PBX3: variants seen among roughly 807,000 people sequenced by gnomAD.
PBX3 encodes pre-B-cell leukemia transcription factor 3.
A neutral mutation model predicts 48.5 loss-of-function variants in PBX3; 14 were observed. That is an observed-to-expected ratio of 0.29 (90% CI 0.19 to 0.45). PBX3 has a LOEUF of 0.45. Among genes scored for constraint, PBX3 ranks in the 20% least tolerant of loss-of-function variants. The pLI is 1.00. For missense variants in PBX3, 386 were observed against 546.7 expected (o/e 0.71, Z 2.93); for synonymous variants, 210 against 200.3 (o/e 1.05, Z -0.41).
rs538863899 is a variant in PBX3, at chr9:125,940,873, A to G, written c.843+5266A>G. ...GGAGGAAGAACTATTTCTTGATCTA[A>G]GTGTTAGTTCCATGGGTATGTTCAC... On this transcript the variant is annotated intron_variant, in intron 5 of 8. Transcript: ENST00000373489. Among the ~76,000 whole-genome samples the G allele has an allele frequency of 8.5e-5, 13 of 152,318 alleles. No homozygotes were observed. The South Asian group carries it at 1.0e-3, about 12-fold the overall frequency.
chr9:125,956,538 C>T (rs1842311729), intron 5 of PBX3, among the ~76,000 whole-genome samples: 1 of 152,204 alleles, frequency 6.6e-6, no homozygotes, highest in Non-Finnish European at 1.5e-5. Context: ...CAGGCTGCTC[C>T]TTGGCCTTGC....
At chr9:125,841,683 C>T (rs1839293823) in intron 2 of PBX3, among the ~76,000 whole-genome samples, 1 of 152,144 alleles carries the variant, frequency 6.6e-6, no homozygotes, top group Admixed American at 6.6e-5. Context: ...GCCTCTAGTA[C>T]ATAGACCCAG....
chr9:125,818,466 C>T (rs1374926538), intron 2 of PBX3, among the ~76,000 whole-genome samples: 1 of 151,898 alleles, frequency 6.6e-6, no homozygotes, highest in Non-Finnish European at 1.5e-5. Context: ...TCCTGAGTAG[C>T]TGGGATTGTG....
intron 2 of PBX3, among the ~76,000 whole-genome samples, chr9:125,861,236 A>G (rs1250201202): frequency 6.6e-6 from 1 of 151,748 alleles, no homozygotes; most frequent in Non-Finnish European, 1.5e-5. Flanking sequence ...TTGAGGCTGC[A>G]AGCAGTGAGC....
At chr9:125,893,376 C>CT (rs1840696603) in intron 2 of PBX3, among the ~76,000 whole-genome samples, 1 of 152,130 alleles carries the variant, frequency 6.6e-6, no homozygotes, top group Non-Finnish European at 1.5e-5. Flanking sequence ...AACTTTCAGA[C>CT]TTCTTAGGGG....
chr9:125,921,352 A>T (rs1263266998), intron 3 of PBX3, among the ~76,000 whole-genome samples: 1 of 151,972 alleles, frequency 6.6e-6, no homozygotes, highest in East Asian at 1.9e-4. Context: ...CTTTGGAAGC[A>T]GTTTTTGTAC....
chr9:125,893,893 C>G (rs968896126), intron 2 of PBX3, among the ~76,000 whole-genome samples: 7 of 151,960 alleles, frequency 4.6e-5, no homozygotes, highest in African/African-American at 1.7e-4. Context: ...CTCCTCCTTA[C>G]TTTTTCAAAA....
chr9:125,924,324 T>C (rs1269948655), intron 3 of PBX3, among the ~76,000 whole-genome samples: 1 of 152,264 alleles, frequency 6.6e-6, no homozygotes, highest in Non-Finnish European at 1.5e-5. Context: ...TTGAGTCTCA[T>C]ATCTGCTTCT....
intron 3 of PBX3, among the ~76,000 whole-genome samples, chr9:125,916,486 G>T (rs1355668898): frequency 6.6e-6 from 1 of 152,116 alleles, no homozygotes; most frequent in African/African-American, 2.4e-5. Context: ...TGCTAGGCAA[G>T]GCATTATGTG....
intron 2 of PBX3, among the ~76,000 whole-genome samples, chr9:125,755,717 T>G (rs983804284): frequency 2.1e-5 from 3 of 145,672 alleles, no homozygotes; most frequent in Admixed American, 1.4e-4. Context: ...GTTTTGCATA[T>G]AAATAAAATT....
intron 2 of PBX3, among the ~76,000 whole-genome samples, chr9:125,899,219 GTA>G (rs1315305131): frequency 7.9e-5 from 9 of 113,682 alleles, no homozygotes; most frequent in African/African-American, 2.4e-4. Context: ...ATATACATAT[GTA>G]TATATATTTA....
chr9:125,941,704 T>C (rs948762022), intron 5 of PBX3, among the ~76,000 whole-genome samples: 11 of 152,188 alleles, frequency 7.2e-5, no homozygotes, highest in East Asian at 5.8e-4. Flanking sequence ...ACCCTGAAAA[T>C]TGACAAAAGA....
At chr9:125,775,625 TAC>T (rs1426436904) in intron 2 of PBX3, among the ~76,000 whole-genome samples, 1 of 152,236 alleles carries the variant, frequency 6.6e-6, no homozygotes, top group Non-Finnish European at 1.5e-5. Flanking sequence ...ATTCCATTAG[TAC>T]ACTGTTTTGA....
chr9:125,927,944 G>T (rs962572415), intron 3 of PBX3, among the ~76,000 whole-genome samples: 2 of 152,142 alleles, frequency 1.3e-5, no homozygotes, highest in African/African-American at 2.4e-5. Flanking sequence ...ACTTCGGGAG[G>T]CTGAGGCAGG....
chr9:125,757,145 T>A (rs1264614021), intron 2 of PBX3, among the ~76,000 whole-genome samples: 3 of 152,120 alleles, frequency 2.0e-5, no homozygotes, highest in Non-Finnish European at 4.4e-5. Context: ...CATTAAAAAA[T>A]ATATATATTT....
At chr9:125,943,301 G>A (rs1048033646) in intron 5 of PBX3, among the ~76,000 whole-genome samples, 8 of 139,934 alleles carry the variant, frequency 5.7e-5, no homozygotes, top group Non-Finnish European at 1.2e-4. Context: ...GTTGCAGTGA[G>A]CCAAGATCAT....
chr9:125,785,515 C>A (rs185234653), intron 2 of PBX3, among the ~76,000 whole-genome samples: 2 of 152,318 alleles, frequency 1.3e-5, no homozygotes, highest in East Asian at 3.9e-4. Context: ...CCAGGGGCTT[C>A]TGGGCCTTTG....
intron 2 of PBX3, among the ~76,000 whole-genome samples, chr9:125,782,164 T>C (rs1837338441): frequency 6.6e-6 from 1 of 152,198 alleles, no homozygotes; most frequent in Admixed American, 6.5e-5. Context: ...CTGTTCCACA[T>C]GGCTGGGGAG....
chr9:125,811,681 A>G (rs1838294614), intron 2 of PBX3, among the ~76,000 whole-genome samples: 1 of 152,166 alleles, frequency 6.6e-6, no homozygotes. Flanking sequence ...GGACTAATAC[A>G]GGCTGCCTAC....
Sources: allele counts gnomAD v4.1 joint callset (sites outside exome capture counted in the v4.1 genomes callset), GRCh38; gene constraint gnomAD v4.1.1; transcripts MANE v1.5; gene names NCBI Gene and HGNC (gene_info 2026-07-23, HGNC 2026-07-21).